Variants in TTF2 observed in about 807,000 individuals in gnomAD.
The protein encoded by TTF2 is transcription termination factor 2.
TTF2 carries 108 observed loss-of-function variants against 142.4 expected under a neutral mutation model. The observed-to-expected ratio is 0.76, with a 90% confidence interval of 0.65 to 0.89. The LOEUF (loss-of-function observed/expected upper bound fraction) is 0.89, where lower values mean the gene tolerates loss of function less well. Ranked by LOEUF, TTF2 falls within the 40% of genes least tolerant of loss-of-function variation. The pLI is 0.00. For missense variants in TTF2, 1,327 were observed against 1,379.8 expected (o/e 0.96, Z 0.61); for synonymous variants, 483 against 506.2 (o/e 0.95, Z 0.61).
chr1:117,081,995 C>T (rs760368032), intron 10 of TTF2, 48 bp downstream of exon 10: 1 of 1,612,408 alleles, frequency 6.2e-7, no homozygotes, highest in Non-Finnish European at 8.5e-7. Context: ...GTCATTTGAG[C>T]CACCCAAGAG....
At position 117,079,884 on chromosome 1, in the gene TTF2, G is replaced by A. The variant is rs1647338074; in HGVS notation, c.1783+235G>A. Among the ~76,000 whole-genome samples, 1 of 152,216 alleles carries A rather than the reference G, an allele frequency of 6.6e-6. No homozygotes were observed. The highest frequency in any genetic ancestry group is 2.1e-4 in the South Asian group (1 of 4,834). On this transcript the variant is annotated intron_variant, in intron 9 of 22. Coordinates refer to ENST00000369466, the MANE Select transcript of TTF2 (RefSeq NM_003594.4). This position sits in a 1 kb window ranked among gnomAD's most constrained non-coding sequence, Gnocchi z 4.2. ...TAGAAGCTGACTCTGGCTGATTAAA[G>A]AGAGGAGGAGTTTATTTTTTGGTGG... is the stretch of plus-strand genomic sequence containing the variant.
Position 117,101,677 on chromosome 1 carries a change from C to T in TTF2, c.*153C>T, listed in dbSNP as rs1214723100. 2.5e-6 allele frequency: 2 copies of T among 806,950 alleles called. No homozygotes were observed. Among genetic ancestry groups the T allele is most frequent in the Non-Finnish European group, 1.8e-6 (1 of 566,634 alleles). 50.0% of individuals were successfully genotyped at this position (806,950 alleles called of 1,614,324 possible). On this transcript the variant is annotated 3_prime_UTR_variant, in exon 23 of 23. Coordinates refer to ENST00000369466, the MANE Select transcript of TTF2 (RefSeq NM_003594.4). This position sits in a 1 kb window ranked among gnomAD's most constrained non-coding sequence, Gnocchi z 5.9. ...TCCTCAAAATGAGGCATAATCTTAT[C>T]CCCAGAATTGAGGAGGGGTTGTGTT... is the stretch of plus-strand genomic sequence containing the variant.
At chr1:117,081,979 C>G (rs780846414) in intron 10 of TTF2, 32 bp downstream of exon 10, 1 of 1,613,516 alleles carries the variant, frequency 6.2e-7, no homozygotes, top group Non-Finnish European at 8.5e-7. Context: ...GCCTGCCATT[C>G]CCTACGTCAT....
rs1749864 is a variant in TTF2, at chr1:117,063,579, A to C, written c.218+1106A>C. Among the ~76,000 whole-genome samples the C allele has an allele frequency of 0.12, 18,337 of 152,174 alleles. 1,509 individuals carry two copies. Among genetic ancestry groups the C allele is most frequent in the African/African-American group, 0.23 (9,409 of 41,498 alleles). On this transcript the variant is annotated intron_variant, in intron 3 of 22. Coordinates refer to ENST00000369466, the MANE Select transcript of TTF2 (RefSeq NM_003594.4). This position sits in a 1 kb window ranked among gnomAD's most constrained non-coding sequence, Gnocchi z 4.1. ...ATGTATCAGTAATTCATTCATTTTTATTGTGGAGTTGAATTTCATTTATAA... is the reference window on the plus strand; with the variant it reads ...ATGTATCAGTAATTCATTCATTTTTCTTGTGGAGTTGAATTTCATTTATAA...
Position 117,076,753 on chromosome 1 carries a change from A to T in TTF2, c.1503A>T (p.Gln501His). 3 of 1,614,072 alleles carry T rather than the reference A, an allele frequency of 1.9e-6. No individual in the cohort carries two copies. Among genetic ancestry groups the T allele is most frequent in the Non-Finnish European group, 2.5e-6 (3 of 1,180,002 alleles). Reference protein sequence around the residue: ...PPQPLPRRGTQPVGSLELKSA... With the variant: ...PPQPLPRRGTHPVGSLELKSA... The stretch of plus-strand genomic sequence containing the variant: ...AACCCCTTCCTCGTCGTGGTACCCA[A>T]CCTGTGGGTTCTCTAGAACTAAAGT... The change falls in exon 7 of 23, where the codon CAA (glutamine) becomes CAT (histidine). Residue 501 changes from glutamine (Q) to histidine (H), a missense_variant. Physicochemically the swap from Gln to His is conservative, Grantham distance 24. Transcript: ENST00000369466. The surrounding 1 kb of genome is among the most constrained non-coding windows in gnomAD (Gnocchi z 4.6).
At chr1:117,081,768 A>T (rs1647529082) in intron 9 of TTF2, 60 bp from the exon 10 acceptor site, 2 of 1,576,726 alleles carry the variant, frequency 1.3e-6, no homozygotes, top group Non-Finnish European at 1.7e-6. Flanking sequence ...CTCCTCTTGA[A>T]CTAGGGTTGA....
intron 2 of TTF2, among the ~76,000 whole-genome samples, chr1:117,061,258 A>G (rs926296727): frequency 6.6e-6 from 1 of 152,140 alleles, no homozygotes; most frequent in Non-Finnish European, 1.5e-5. Context: ...TAGGCATGGT[A>G]TCACACGCCT....
Position 117,101,630 on chromosome 1 carries a change from T to A in TTF2, c.*106T>A, listed in dbSNP as rs1649591940. 8.0e-7 allele frequency: 1 copy of A among 1,257,248 alleles called. No homozygotes were observed. The allele number at this position is 1,257,248 out of a possible 1,614,324, so 77.9% of individuals were successfully genotyped here. ...TGAACTCTGTTCTTTGCATTTCAAT[T>A]TCACCGTCAAGCCTTTCACCTTCCT... On this transcript the variant is annotated 3_prime_UTR_variant, in exon 23 of 23. Transcript: ENST00000369466. This position sits in a 1 kb window ranked among gnomAD's most constrained non-coding sequence, Gnocchi z 5.9.
Position 117,102,506 on chromosome 1 carries a change from C to T in TTF2, c.*982C>T, listed in dbSNP as rs748981702. 1 of 152,294 alleles carries T rather than the reference C, an allele frequency of 6.6e-6. No individual in the cohort carries two copies. The highest frequency in any genetic ancestry group is 2.1e-4 in the South Asian group (1 of 4,830). The allele number at this position is 152,294 out of a possible 1,614,324, so 9.4% of individuals were successfully genotyped here. A position where few individuals can be genotyped will look rare whatever the true frequency, so the allele number is the denominator to read the frequency against. On this transcript the variant is annotated 3_prime_UTR_variant, in exon 23 of 23. Coordinates refer to ENST00000369466, the MANE Select transcript of TTF2 (RefSeq NM_003594.4). Reference sequence around the variant, plus strand: ...GTACCATTTAGTGTTGTATATCACTCAGTCATTTAATATTGGTTATCACCA... The same window carrying T: ...GTACCATTTAGTGTTGTATATCACTTAGTCATTTAATATTGGTTATCACCA...
chr1:117,068,568 C>T (rs1033304366), intron 3 of TTF2, among the ~76,000 whole-genome samples: 4 of 151,160 alleles, frequency 2.6e-5, no homozygotes, highest in Admixed American at 6.6e-5. Flanking sequence ...GAAAAATATT[C>T]ACCTCCAAAA....
rs188653155 is a variant in TTF2, at chr1:117,105,494, A to G, written c.*3970A>G. 6.6e-6 allele frequency: 1 copy of G among 152,458 alleles called. No homozygotes were observed. The highest frequency in any genetic ancestry group is 1.5e-5 in the Non-Finnish European group (1 of 68,134). The allele number at this position is 152,458 out of a possible 1,614,324, so 9.4% of individuals were successfully genotyped here. On this transcript the variant is annotated 3_prime_UTR_variant, in exon 23 of 23. Transcript: ENST00000369466. The surrounding 1 kb of genome is among the most constrained non-coding windows in gnomAD (Gnocchi z 4.7). ...GCATTTGGGAGGCTGAGGCAGGCAGATCACTTGAGGCCAAGAGTTCGAGAC... is the reference window on the plus strand; with the variant it reads ...GCATTTGGGAGGCTGAGGCAGGCAGGTCACTTGAGGCCAAGAGTTCGAGAC...
chr1:117,089,541 T>C (rs1047584045), intron 13 of TTF2, among the ~76,000 whole-genome samples: 1 of 151,734 alleles, frequency 6.6e-6, no homozygotes, highest in Non-Finnish European at 1.5e-5. Flanking sequence ...ATTAAAAAAT[T>C]AGCCAGGCAC....
chr1:117,092,968 C>A lies in TTF2; in HGVS notation c.2976+67C>A. On this transcript the variant is annotated intron_variant, in intron 18 of 22. Transcript: ENST00000369466. The surrounding 1 kb of genome is among the most constrained non-coding windows in gnomAD (Gnocchi z 4.4). The stretch of plus-strand genomic sequence containing the variant: ...CCTCACACATTTTCCTGTGTGACAG[C>A]ACTTCATTTGTCCAAGTGGGAACAG... The A allele has an allele frequency of 6.4e-7, 1 of 1,570,470 alleles. No homozygotes were observed. Among genetic ancestry groups the A allele is most frequent in the Non-Finnish European group, 8.7e-7 (1 of 1,149,478 alleles).
rs1460276067 is a variant in TTF2, at chr1:117,100,273, C to T, written c.3345-1107C>T. Among the ~76,000 whole-genome samples the T allele has an allele frequency of 6.6e-6, 1 of 152,222 alleles. No individual in the cohort carries two copies. Among genetic ancestry groups the T allele is most frequent in the African/African-American group, 2.4e-5 (1 of 41,452 alleles). On this transcript the variant is annotated intron_variant, in intron 22 of 22. Transcript: ENST00000369466. This position sits in a 1 kb window ranked among gnomAD's most constrained non-coding sequence, Gnocchi z 4.6. ...CTAATTATCTAGCCAGAACTAGACTCCTACCTTTCTCGCTTTTCCACTTAC... is the reference window on the plus strand; with the variant it reads ...CTAATTATCTAGCCAGAACTAGACTTCTACCTTTCTCGCTTTTCCACTTAC...
chr1:117,101,238 A>C lies in TTF2; in HGVS notation c.3345-142A>C, dbSNP rs1649558428. On this transcript the variant is annotated intron_variant, in intron 22 of 22. Coordinates refer to ENST00000369466, the MANE Select transcript of TTF2 (RefSeq NM_003594.4). This position sits in a 1 kb window ranked among gnomAD's most constrained non-coding sequence, Gnocchi z 5.9. ...AGTCAAGGTTGTTTGGATTCCTCAG[A>C]CAGGGTTCTTAACTGGACCTAAGAA... 1.3e-6 allele frequency: 1 copy of C among 797,504 alleles called. No individual in the cohort carries two copies. Among genetic ancestry groups the C allele is most frequent in the African/African-American group, 1.8e-5 (1 of 56,948 alleles). 49.4% of individuals were successfully genotyped at this position (797,504 alleles called of 1,614,324 possible). A position where few individuals can be genotyped will look rare whatever the true frequency, so the allele number is the denominator to read the frequency against.
rs190776816 is a variant in TTF2, at chr1:117,073,069, C to T, written c.219-592C>T. 1.3e-3 allele frequency among the ~76,000 whole-genome samples: 202 copies of T among 152,226 alleles called. No individual in the cohort carries two copies. The highest frequency in any genetic ancestry group is 4.3e-3 in the African/African-American group (179 of 41,540). On this transcript the variant is annotated intron_variant, in intron 3 of 22. Transcript: ENST00000369466. The surrounding 1 kb of genome is among the most constrained non-coding windows in gnomAD (Gnocchi z 4.4). ...ATGTCTTTTAAGTCTCTGAAGTTTT[C>T]CCTTCATCTTTTTTTCTCCCTCGTA...
At chr1:117,084,649 G>A (rs1350437072) in intron 11 of TTF2, among the ~76,000 whole-genome samples, 2 of 152,172 alleles carry the variant, frequency 1.3e-5, no homozygotes, top group African/African-American at 4.8e-5. Context: ...AGGACGATTA[G>A]AGTTAACTAT....
chr1:117,061,179 C>G (rs904288465), intron 2 of TTF2, among the ~76,000 whole-genome samples: 3 of 152,228 alleles, frequency 2.0e-5, no homozygotes, highest in Middle Eastern at 3.4e-3. Flanking sequence ...CGCTTGAGCC[C>G]AGGGGTTCGA....
At chr1:117,088,253 G>C (rs1749863) in intron 12 of TTF2, among the ~76,000 whole-genome samples, 135,325 of 152,200 alleles carry the variant, frequency 0.89, 60,424 homozygotes, top group East Asian at 1. Flanking sequence ...TAAAAGAAAA[G>C]TCGGCTGGGC....
Sources: gnomAD v4.1 joint callset for allele counts (sites outside exome capture counted in the v4.1 genomes callset) on GRCh38, gnomAD v4.1.1 for gene constraint, Gnocchi (gnomAD v3.1) non-coding constraint, MANE v1.5 for transcripts, NCBI Gene and HGNC (gene_info 2026-07-23, HGNC 2026-07-21) for gene names.